Variants in PHACTR3 observed in about 807,000 individuals in gnomAD.
PHACTR3 encodes the protein protein phosphatase 1, regulatory subunit 123.
In PHACTR3, 16 loss-of-function variants were observed where a neutral mutation model predicts 66.8. That is an observed-to-expected ratio of 0.24 (90% CI 0.16 to 0.36). The LOEUF (loss-of-function observed/expected upper bound fraction) is 0.36, where lower values mean the gene tolerates loss of function less well. PHACTR3 is among the 10% of genes least tolerant of loss of function. PHACTR3 has a pLI of 1.00. For missense variants in PHACTR3, 647 were observed against 719.9 expected, an observed-to-expected ratio of 0.90 and a Z score of 1.16; for synonymous variants, 323 against 292.1, an observed-to-expected ratio of 1.11 and a Z score of -1.08.
intron 8 of PHACTR3, among the ~76,000 whole-genome samples, chr20:59,833,068 G>A (rs1396492971): frequency 1.3e-5 from 2 of 151,914 alleles, no homozygotes; most frequent in African/African-American, 4.9e-5. Flanking sequence ...CAGGTGTGGG[G>A]TCCTGGCACT....
At chr20:59,645,575 G>A (rs990924440) in intron 1 of PHACTR3, among the ~76,000 whole-genome samples, 9 of 152,000 alleles carry the variant, frequency 5.9e-5, no homozygotes, top group East Asian at 5.8e-4. Context: ...GATTCTGAGC[G>A]TGCTCATCAC....
intron 5 of PHACTR3, 78 bp downstream of exon 5, chr20:59,767,473 A>G: frequency 7.0e-7 from 1 of 1,424,610 alleles, no homozygotes; most frequent in East Asian, 2.4e-5. Flanking sequence ...TCATCCACCC[A>G]TCCATCATCT....
At chr20:59,715,055 G>A (rs2038047211) in intron 1 of PHACTR3, among the ~76,000 whole-genome samples, 1 of 152,096 alleles carries the variant, frequency 6.6e-6, no homozygotes, top group South Asian at 2.1e-4. Flanking sequence ...TTCTAATTAA[G>A]ATTATTTTGG....
At chr20:59,621,631 TGGCAGTGGCA>T (rs2034243442) in intron 1 of PHACTR3, among the ~76,000 whole-genome samples, 1 of 152,248 alleles carries the variant, frequency 6.6e-6, no homozygotes, top group Non-Finnish European at 1.5e-5. Flanking sequence ...AGGCACTGGC[TGGCAGTGGCA>T]GTCTAGACTT....
chr20:59,607,992 G>A (rs2033722178), intron 1 of PHACTR3, among the ~76,000 whole-genome samples: 1 of 152,160 alleles, frequency 6.6e-6, no homozygotes, highest in Non-Finnish European at 1.5e-5. Context: ...TGAGGCCACA[G>A]GGGACCCACA....
upstream of PHACTR3, among the ~76,000 whole-genome samples, chr20:59,602,183 G>A (rs1341920076): frequency 6.6e-6 from 1 of 152,202 alleles, no homozygotes; most frequent in Non-Finnish European, 1.5e-5. Flanking sequence ...GGCCAAGAGT[G>A]GACTCAGGTA....
intron 1 of PHACTR3, among the ~76,000 whole-genome samples, chr20:59,675,887 G>T (rs2036433754): frequency 6.6e-6 from 1 of 152,256 alleles, no homozygotes; most frequent in Non-Finnish European, 1.5e-5. Flanking sequence ...AGCAGCAGGT[G>T]TTGGTGCTAC....
In PHACTR3 at chr20:59,847,104, A is replaced by G; in HGVS notation, c.1665-11A>G. The G allele has an allele frequency of 6.6e-7, 1 of 1,510,034 alleles. No individual in the cohort carries two copies. Among genetic ancestry groups the G allele is most frequent in the South Asian group, 1.2e-5 (1 of 85,750 alleles). The allele number at this position is 1,510,034 out of a possible 1,614,324, so 93.5% of individuals were successfully genotyped here. A position where few individuals can be genotyped will look rare whatever the true frequency, so the allele number is the denominator to read the frequency against. On this transcript the variant is annotated splice_polypyrimidine_tract_variant and intron_variant, in intron 12 of 12. Transcript: ENST00000371015. ...TAACCTTAAATTCTTTGTCTTTTTT[A>G]TAATCTCTAGATTCCACAGGCCATA... is the stretch of plus-strand genomic sequence containing the variant.
At chr20:59,650,825 A>G (rs1180793016) in intron 1 of PHACTR3, among the ~76,000 whole-genome samples, 1 of 151,764 alleles carries the variant, frequency 6.6e-6, no homozygotes, top group African/African-American at 2.4e-5. Flanking sequence ...GTAAACAAGA[A>G]GGATCTACCC....
At position 59,774,889 on chromosome 20, in the gene PHACTR3, C is replaced by CA. The variant is rs200704511; in HGVS notation, c.1174+408dup. ...ACAGAAGTTATAGCAAAAACAAAAA[C>CA]AAAAAAAAACTGTAACAAGTAAAGC... On this transcript the variant is annotated intron_variant, in intron 7 of 12. Coordinates refer to ENST00000371015, the MANE Select transcript of PHACTR3 (RefSeq NM_080672.5). Among the ~76,000 whole-genome samples, 1,301 of 149,526 alleles carry CA rather than the reference C, an allele frequency of 8.7e-3. 22 individuals are homozygous for CA. Among genetic ancestry groups the CA allele is most frequent in the African/African-American group, 0.031 (1,260 of 40,668 alleles).
chr20:59,789,376 T>G (rs2041022286), intron 7 of PHACTR3, among the ~76,000 whole-genome samples: 1 of 152,224 alleles, frequency 6.6e-6, no homozygotes, highest in African/African-American at 2.4e-5. Context: ...TCTACAGACT[T>G]AGCAGAGATT....
chr20:59,716,850 G>T (rs940103333), intron 1 of PHACTR3, among the ~76,000 whole-genome samples: 2 of 152,152 alleles, frequency 1.3e-5, no homozygotes, highest in African/African-American at 2.4e-5. Context: ...CAATAAATGC[G>T]CCTTGCTCTC....
intron 1 of PHACTR3, among the ~76,000 whole-genome samples, chr20:59,719,903 G>A (rs2038229939): frequency 6.6e-6 from 1 of 152,202 alleles, no homozygotes. Flanking sequence ...CCGAGGGCTT[G>A]CGTCTCCTCA....
intron 8 of PHACTR3, among the ~76,000 whole-genome samples, chr20:59,831,460 C>G (rs2042375188): frequency 6.6e-6 from 1 of 152,210 alleles, no homozygotes; most frequent in African/African-American, 2.4e-5. Flanking sequence ...AACTGCCACA[C>G]TCAGGCTTTC....
chr20:59,746,609 A>AAAT (rs1384207031), intron 2 of PHACTR3, among the ~76,000 whole-genome samples: 1 of 152,190 alleles, frequency 6.6e-6, no homozygotes, highest in African/African-American at 2.4e-5. Flanking sequence ...AATGCTTTTG[A>AAAT]GTAAGTGAAA....
intron 1 of PHACTR3, among the ~76,000 whole-genome samples, chr20:59,727,403 A>G (rs529544556): frequency 6.6e-6 from 1 of 152,256 alleles, no homozygotes; most frequent in African/African-American, 2.4e-5. Context: ...TAAAAGTGCC[A>G]GTCGTGTATA....
intron 1 of PHACTR3, among the ~76,000 whole-genome samples, chr20:59,719,056 A>G (rs2038196386): frequency 6.6e-6 from 1 of 152,254 alleles, no homozygotes; most frequent in Admixed American, 6.5e-5. Context: ...TAAATAAATT[A>G]GTTTGCAGCC....
At chr20:59,583,925 A>G (rs2032938136) in intron 1 of PHACTR3, among the ~76,000 whole-genome samples, 1 of 152,230 alleles carries the variant, frequency 6.6e-6, no homozygotes, top group African/African-American at 2.4e-5. Context: ...GGGACGGTTC[A>G]CGCGTGGACA....
chr20:59,747,265 T>C (rs1481691474), intron 2 of PHACTR3, among the ~76,000 whole-genome samples: 4 of 152,194 alleles, frequency 2.6e-5, no homozygotes, highest in Non-Finnish European at 5.9e-5. Context: ...CCTGGGTTTA[T>C]TGGAAGAAGC....
Sources: gnomAD v4.1 joint callset for allele counts (sites outside exome capture counted in the v4.1 genomes callset) on GRCh38, gnomAD v4.1.1 for gene constraint, MANE v1.5 for transcripts, NCBI Gene and HGNC (gene_info 2026-07-23, HGNC 2026-07-21) for gene names.